Variants in WDR35 observed in about 807,000 individuals in gnomAD.
The protein encoded by WDR35 is WD repeat domain 35, also known as WD repeat-containing protein 35.
In WDR35, 118 loss-of-function variants were observed where a neutral mutation model predicts 158.3. The observed-to-expected ratio is 0.75, with a 90% CI of 0.64 to 0.87. The LOEUF is 0.87. Ranked by LOEUF, WDR35 falls within the 40% of genes least tolerant of loss-of-function variation. The pLI, the probability that WDR35 is intolerant of heterozygous loss-of-function variation, is 0.00. For missense variants in WDR35, 1,263 were observed against 1,405.8 expected, an observed-to-expected ratio of 0.90 and a Z score of 1.62; for synonymous variants, 448 against 476.1, an observed-to-expected ratio of 0.94 and a Z score of 0.77.
At position 19,959,813 on chromosome 2, in the gene WDR35, T is replaced by C. The variant is rs1263591394; in HGVS notation, c.1255+741A>G. ...TGCAATGGGTTTTTAATTTCTTAGATTTAATAATTTTTACAATACTGTATC... is the reference window on the plus strand; with the variant it reads ...TGCAATGGGTTTTTAATTTCTTAGACTTAATAATTTTTACAATACTGTATC... On this transcript the variant is annotated intron_variant, in intron 11 of 26. Coordinates refer to ENST00000281405, the MANE Select transcript of WDR35 (RefSeq NM_020779.4). Among the ~76,000 whole-genome samples the C allele has an allele frequency of 6.6e-5, 10 of 152,128 alleles. No individual in the cohort carries two copies. The East Asian group carries it at 1.9e-3, about 29-fold the overall frequency.
intron 4 of WDR35, among the ~76,000 whole-genome samples, chr2:19,979,772 T>TACACACAC (rs67421990): frequency 0.016 from 2,392 of 146,266 alleles, 42 homozygotes; most frequent in African/African-American, 0.036. Context: ...TTCTATCCCC[T>TACACACAC]ACACACACAC....
Position 19,931,327 on chromosome 2 carries a change from T to C in WDR35, c.2906A>G (p.Gln969Arg). ...LYVLSALLIEQYHEQMKNAQR... is the reference protein window; with the variant it reads ...LYVLSALLIERYHEQMKNAQR... ...GGCATTCTTCATCTGTTCATGGTAT[T>C]GCTCTATAAGTAAGGCTGACAGTAC... The change falls in exon 24 of 27, where the codon CAA becomes CGA. Residue 969 changes from glutamine to arginine, a missense_variant. Gln to Arg is a conservative substitution (Grantham distance 43, BLOSUM62 1). Transcript: ENST00000281405. The C allele has an allele frequency of 6.2e-7, 1 of 1,613,550 alleles. No individual in the cohort carries two copies. The highest frequency in any genetic ancestry group is 8.5e-7 in the Non-Finnish European group (1 of 1,179,726).
chr2:19,952,647 G>A (rs1211000998), intron 12 of WDR35, among the ~76,000 whole-genome samples: 1 of 152,038 alleles, frequency 6.6e-6, no homozygotes, highest in Non-Finnish European at 1.5e-5. Context: ...CCAGCATGAG[G>A]ACTACCACAT....
intron 2 of WDR35, among the ~76,000 whole-genome samples, chr2:19,987,117 G>A (rs749526318): frequency 2.6e-5 from 4 of 152,266 alleles, no homozygotes; most frequent in African/African-American, 9.6e-5. Flanking sequence ...TGGACGTAGA[G>A]GATTGCTGTA....
chr2:19,975,004 T>G (rs1263280483), intron 6 of WDR35, among the ~76,000 whole-genome samples: 1 of 152,222 alleles, frequency 6.6e-6, no homozygotes, highest in East Asian at 1.9e-4. Flanking sequence ...TAATCATACA[T>G]CTATGATAGC....
rs187714576 is a variant in WDR35, at chr2:19,955,589, C to T, written c.1256-1611G>A. On this transcript the variant is annotated intron_variant, in intron 11 of 26. Transcript: ENST00000281405. ...CGAAATACATAAAAGCAAAAAACTC[C>T]GTCACAAACAGATTATACTACCTGT... Among the ~76,000 whole-genome samples, 7 of 152,026 alleles carry T rather than the reference C, an allele frequency of 4.6e-5. No homozygotes were observed. In the East Asian group the frequency reaches 9.7e-4, roughly 21 times the overall value.
intron 18 of WDR35, 28 bp downstream of exon 18, chr2:19,938,237 C>T: frequency 3.1e-6 from 5 of 1,613,872 alleles, no homozygotes; most frequent in Non-Finnish European, 4.2e-6. Context: ...CACCTGACAT[C>T]CTGGGAGAGT....
chr2:19,951,922 G>T (rs527671503), intron 12 of WDR35: 1 of 156,260 alleles, frequency 6.4e-6, no homozygotes, highest in Non-Finnish European at 1.4e-5. Context: ...CAACTTCTGC[G>T]CTGAAGTAAA....
At chr2:19,979,772 TACACACACACAC>T (rs67421990) in intron 4 of WDR35, among the ~76,000 whole-genome samples, 5 of 146,298 alleles carry the variant, frequency 3.4e-5, no homozygotes, top group East Asian at 2.0e-4. Context: ...TTCTATCCCC[TACACACACACAC>T]ACACACACAC....
intron 4 of WDR35, among the ~76,000 whole-genome samples, chr2:19,979,915 A>G (rs746682353): frequency 6.6e-6 from 1 of 152,178 alleles, no homozygotes; most frequent in Non-Finnish European, 1.5e-5. Flanking sequence ...GCACACATGA[A>G]CTAAGGCACC....
At position 19,975,540 on chromosome 2, in the gene WDR35, C is replaced by T; in HGVS notation, c.560G>A (p.Gly187Glu). The change falls in exon 6 of 27, where the codon GGA becomes GAA. Residue 187 changes from glycine (G) to glutamate (E), a missense_variant. Coordinates refer to ENST00000281405, the MANE Select transcript of WDR35 (RefSeq NM_020779.4). Reference protein sequence around the residue: ...NGEIHIYDNQGNFMIKMKLSC... With the variant: ...NGEIHIYDNQENFMIKMKLSC... Reference sequence around the variant, plus strand: ...CATACACTTACTTACCATAAAATTTCCTTGATTATCGTAAATGTGTATTTC... The same window carrying T: ...CATACACTTACTTACCATAAAATTTTCTTGATTATCGTAAATGTGTATTTC... 2.5e-6 allele frequency: 4 copies of T among 1,612,986 alleles called. No individual in the cohort carries two copies. The highest frequency in any genetic ancestry group is 3.4e-6 in the Non-Finnish European group (4 of 1,179,340).
intron 5 of WDR35, among the ~76,000 whole-genome samples, chr2:19,976,829 T>C (rs1672232616): frequency 6.6e-6 from 1 of 152,018 alleles, no homozygotes; most frequent in Non-Finnish European, 1.5e-5. Context: ...TGATTTTTTT[T>C]TTTTTCCTGA....
chr2:19,973,815 TA>T (rs869141275), intron 7 of WDR35, 107 bp from the exon 8 acceptor site: 1 of 1,469,940 alleles, frequency 6.8e-7, no homozygotes, highest in Non-Finnish European at 9.3e-7. Flanking sequence ...TCCACATTTT[TA>T]AAAAAACAGG....
intron 25 of WDR35, among the ~76,000 whole-genome samples, chr2:19,929,456 C>T (rs555830776): frequency 6.6e-6 from 1 of 152,142 alleles, no homozygotes; most frequent in African/African-American, 2.4e-5. Context: ...GGTGTCATGA[C>T]AGTGCTTGCC....
At chr2:19,951,880 A>G in intron 12 of WDR35, 1 of 161,936 alleles carries the variant, frequency 6.2e-6, no homozygotes, top group Non-Finnish European at 1.4e-5. Context: ...TAAAAGTAAA[A>G]TTTAAGTGGA....
chr2:19,942,210 TAA>T lies in WDR35; in HGVS notation c.1846-373_1846-372del, dbSNP rs538522085. ...TATTCAGTCCAATTTTCTCAATTAATAAAAAGTCATATAGCTTGAAAATTCTA... is the reference window on the plus strand; with the variant it reads ...TATTCAGTCCAATTTTCTCAATTAATAAAGTCATATAGCTTGAAAATTCTA... On this transcript the variant is annotated intron_variant, in intron 16 of 26. Transcript: ENST00000281405. 4.2e-3 allele frequency among the ~76,000 whole-genome samples: 623 copies of T among 149,584 alleles called. 2 individuals carry two copies. The highest frequency in any genetic ancestry group is 6.3e-3 in the Non-Finnish European group (427 of 67,378).
intron 11 of WDR35, among the ~76,000 whole-genome samples, chr2:19,957,855 GAA>G (rs1309438949): frequency 2.0e-5 from 3 of 151,882 alleles, no homozygotes; most frequent in Non-Finnish European, 4.4e-5. Flanking sequence ...GCCCAGCTTG[GAA>G]AAAAAGTTTT....
In WDR35 at chr2:19,917,835, A is replaced by AG. The variant is rs760439080; in HGVS notation, c.3122-3559dup. Among the ~76,000 whole-genome samples, 9 of 152,318 alleles carry AG rather than the reference A, an allele frequency of 5.9e-5. No individual in the cohort carries two copies. The South Asian group carries it at 1.7e-3, about 28-fold the overall frequency. ...GAAAACACTCTTCAGGATATTATCC[A>AG]GGAAAATCCCCAACCTAGCAAGGCA... On this transcript the variant is annotated intron_variant, in intron 25 of 26. Coordinates refer to ENST00000281405, the MANE Select transcript of WDR35 (RefSeq NM_020779.4).
chr2:19,937,892 T>G lies in WDR35; in HGVS notation c.2118A>C (p.Gln706His). The G allele has an allele frequency of 6.2e-7, 1 of 1,614,168 alleles. No homozygotes were observed. The highest frequency in any genetic ancestry group is 8.5e-7 in the Non-Finnish European group (1 of 1,180,014). Residue 706 changes from glutamine to histidine, a missense_variant, in exon 19 of 27, where the codon CAA (glutamine) becomes CAC (histidine). Transcript: ENST00000281405. ...LQKLDLYTAEQAFVRCKDYQG... is the reference protein window; with the variant it reads ...LQKLDLYTAEHAFVRCKDYQG... ...GGTAATCTTTGCAGCGCACAAATGCTTGCTCTGCAGTGTATAGATCCAGTT... is the reference window on the plus strand; with the variant it reads ...GGTAATCTTTGCAGCGCACAAATGCGTGCTCTGCAGTGTATAGATCCAGTT...
Sources: allele counts gnomAD v4.1 joint callset (sites outside exome capture counted in the v4.1 genomes callset), GRCh38; gene constraint gnomAD v4.1.1; transcripts MANE v1.5; gene names NCBI Gene and HGNC (gene_info 2026-07-23, HGNC 2026-07-21).